The following ATP1A2 variants were observed in gnomAD, a reference collection of about 807,000 sequenced individuals.
The protein encoded by ATP1A2 is ATPase Na+/K+ transporting subunit alpha 2.
ATP1A2 carries 56 observed loss-of-function variants against 113.1 expected under a neutral mutation model. The observed-to-expected ratio is 0.49, with a 90% CI of 0.40 to 0.62. The LOEUF (loss-of-function observed/expected upper bound fraction) is 0.62, where lower values mean the gene tolerates loss of function less well. ATP1A2 is among the 20% of genes least tolerant of loss of function. The pLI, the probability that ATP1A2 is intolerant of heterozygous loss-of-function variation, is 0.00. For synonymous variants in ATP1A2, 490 were observed against 526.8 expected (o/e 0.93, Z 0.96); for missense variants, 712 against 1,357.8 (o/e 0.52, Z 7.47).
intron 1 of ATP1A2, among the ~76,000 whole-genome samples, chr1:160,116,543 C>CA (rs1308811385): frequency 9.6e-4 from 4 of 4,154 alleles, no homozygotes; most frequent in Non-Finnish European, 2.5e-3. Context: ...GACAGGTGAC[C>CA]CCCCCCCCAG....
intron 4 of ATP1A2, 52 bp downstream of exon 4, chr1:160,123,468 G>C: frequency 6.2e-7 from 1 of 1,610,984 alleles, no homozygotes; most frequent in East Asian, 2.2e-5. Context: ...CTCCAACCCT[G>C]AACCCCCAAC....
At chr1:160,116,545 C>A (rs1291010871) in intron 1 of ATP1A2, among the ~76,000 whole-genome samples, 1 of 151,994 alleles carries the variant, frequency 6.6e-6, no homozygotes, top group East Asian at 1.9e-4. Flanking sequence ...CAGGTGACCC[C>A]CCCCCCAGTC....
intron 4 of ATP1A2, among the ~76,000 whole-genome samples, chr1:160,123,636 A>G (rs1233165562): frequency 6.6e-6 from 1 of 152,114 alleles, no homozygotes; most frequent in Non-Finnish European, 1.5e-5. Flanking sequence ...TTAATGAAAC[A>G]ATCTCTCCCT....
intron 1 of ATP1A2, among the ~76,000 whole-genome samples, chr1:160,116,931 G>T (rs1260756283): frequency 6.6e-6 from 1 of 152,090 alleles, no homozygotes; most frequent in Non-Finnish European, 1.5e-5. Context: ...GAATTGGAGT[G>T]CATGCATGTA....
rs765021457 is a variant in ATP1A2 at position 160,128,998 on chromosome 1, G to A, written c.1235G>A (p.Arg412Gln). 3 of 1,606,728 alleles carry A rather than the reference G, an allele frequency of 1.9e-6. No homozygotes were observed. Among genetic ancestry groups the A allele is most frequent in the Non-Finnish European group, 2.6e-6 (3 of 1,176,048 alleles). The part of the protein sequence containing the change: ...EDQSGATFDK[R>Q]SPTWTALSRI... ...CTCCCAGGGGCCACTTTTGACAAAC[G>A]ATCCCCTACGTGGACGGCCCTGTCT... Residue 412 changes from arginine to glutamine, a missense_variant, in exon 10 of 23, where the codon CGA (arginine) becomes CAA (glutamine). Arg to Gln is a conservative substitution (Grantham distance 43, BLOSUM62 1). Coordinates refer to ENST00000361216, the MANE Select transcript of ATP1A2 (RefSeq NM_000702.4).
At chr1:160,121,714 A>G (rs761641659) in intron 3 of ATP1A2, among the ~76,000 whole-genome samples, 2 of 152,264 alleles carry the variant, frequency 1.3e-5, no homozygotes, top group Non-Finnish European at 2.9e-5. Flanking sequence ...TGAGATAGGT[A>G]TTGCAGACCT....
chr1:160,126,009 T>C (rs1651574128), intron 7 of ATP1A2, among the ~76,000 whole-genome samples: 1 of 151,966 alleles, frequency 6.6e-6, no homozygotes, highest in African/African-American at 2.4e-5. Flanking sequence ...CCTCTGAAAA[T>C]AGGGCAAAGG....
intron 4 of ATP1A2, 102 bp downstream of exon 4, chr1:160,123,518 A>T (rs1384595207): frequency 1.4e-6 from 2 of 1,427,660 alleles, no homozygotes; most frequent in Non-Finnish European, 2.0e-6. Context: ...CTCACATAAC[A>T]GTCCTACAGA....
chr1:160,141,170 C>T, intron 22 of ATP1A2, 124 bp from the exon 23 acceptor site: 4 of 1,165,614 alleles, frequency 3.4e-6, no homozygotes, highest in Middle Eastern at 4.8e-4. Context: ...TAAGCCACTT[C>T]CCCCAGTGCC....
In ATP1A2 at chr1:160,129,354, A is replaced by G. The variant is rs529607288; in HGVS notation, c.1415A>G (p.Asn472Ser). ...CGSVRKMRDRNPKVAEIPFNS... is the reference protein window; with the variant it reads ...CGSVRKMRDRSPKVAEIPFNS... ...TCAGTGAGGAAAATGAGAGACAGAA[A>G]CCCCAAGGTGGCAGAGATTCCTTTC... The change falls in exon 11 of 23, where the codon AAC becomes AGC. Residue 472 changes from asparagine (N) to serine (S), a missense_variant. Around this residue, in one of 6 missense-constraint regions of ATP1A2, gnomAD observed 263 missense variants for 380.6 expected, o/e 0.69. Coordinates refer to ENST00000361216, the MANE Select transcript of ATP1A2 (RefSeq NM_000702.4). 5.3e-5 allele frequency: 85 copies of G among 1,614,090 alleles called. No homozygotes were observed. The East Asian group carries it at 1.8e-3, about 35-fold the overall frequency.
intron 13 of ATP1A2, among the ~76,000 whole-genome samples, chr1:160,134,083 ACACATCT>A (rs1407717846): frequency 7.9e-6 from 1 of 126,076 alleles, no homozygotes; most frequent in Non-Finnish European, 1.6e-5. Context: ...CCCCCCACAC[ACACATCT>A]CACACACACG....
chr1:160,122,047 G>C (rs894822903), intron 3 of ATP1A2, among the ~76,000 whole-genome samples: 1 of 152,172 alleles, frequency 6.6e-6, no homozygotes, highest in African/African-American at 2.4e-5. Context: ...CAGGAGAATG[G>C]CTTGAACCCA....
At position 160,127,720 on chromosome 1, in the gene ATP1A2, T is replaced by G; in HGVS notation, c.917T>G (p.Val306Gly). ...GTATTCCTGGGGGTCTCCTTCTTCGTGCTCTCCCTCATCCTGGGCTACAGC... is the reference window on the plus strand; with the variant it reads ...GTATTCCTGGGGGTCTCCTTCTTCGGGCTCTCCCTCATCCTGGGCTACAGC... ...VAVFLGVSFF[V>G]LSLILGYSWL... Residue 306 changes from valine to glycine, a missense_variant, in exon 8 of 23, where the codon GTG becomes GGG. Physicochemically the swap from Val to Gly is moderately radical, Grantham distance 109 (BLOSUM62 -3). This residue lies in a region of ATP1A2 where 44 missense variants were observed against 153.1 expected (regional missense o/e 0.29). Coordinates refer to ENST00000361216, the MANE Select transcript of ATP1A2 (RefSeq NM_000702.4). 6.2e-7 allele frequency: 1 copy of G among 1,614,250 alleles called. No homozygotes were observed.
chr1:160,124,614 G>A (rs966667408), intron 6 of ATP1A2, among the ~76,000 whole-genome samples, 184 bp downstream of exon 6: 1 of 152,250 alleles, frequency 6.6e-6, no homozygotes, highest in Non-Finnish European at 1.5e-5. Flanking sequence ...GCATCTGTGT[G>A]TTATGAATGC....
In ATP1A2 at chr1:160,139,862, T is replaced by C. The variant is rs200332279; in HGVS notation, c.2943-31T>C. On this transcript the variant is annotated intron_variant, in intron 21 of 22. Coordinates refer to ENST00000361216, the MANE Select transcript of ATP1A2 (RefSeq NM_000702.4). ...TGACAGCCACCAAGCCAACCTCTGA[T>C]GCTGCTGACACTCTCCTCCATTGCT... is the stretch of plus-strand genomic sequence containing the variant. The C allele has an allele frequency of 1.4e-4, 226 of 1,612,808 alleles. 1 individual carries two copies. In the African/African-American group the frequency reaches 2.7e-3, roughly 19 times the overall value.
intron 13 of ATP1A2, among the ~76,000 whole-genome samples, chr1:160,133,488 C>T (rs555899594): frequency 6.6e-6 from 1 of 152,100 alleles, no homozygotes; most frequent in Non-Finnish European, 1.5e-5. Flanking sequence ...TGCCAGCCAC[C>T]CTCCCCATCC....
At chr1:160,126,925 G>C (rs144283380) in intron 7 of ATP1A2, among the ~76,000 whole-genome samples, 1 of 152,104 alleles carries the variant, frequency 6.6e-6, no homozygotes, top group East Asian at 1.9e-4. Flanking sequence ...TTGAGCACCC[G>C]CTATGTTCCA....
intron 20 of ATP1A2, among the ~76,000 whole-genome samples, chr1:160,137,604 G>A (rs551037026): frequency 6.6e-6 from 1 of 152,306 alleles, no homozygotes; most frequent in African/African-American, 2.4e-5. Flanking sequence ...AAGATGGTAA[G>A]GGTTCACCAG....
rs150465651 is a variant in ATP1A2 at position 160,130,141 on chromosome 1, G to A, written c.1501G>A (p.Val501Met). The change falls in exon 12 of 23, where the codon GTG becomes ATG. Residue 501 changes from valine to methionine, a missense_variant. Transcript: ENST00000361216. ...HEREDSPQSH[V>M]LVMKGAPERI... is the part of the protein sequence containing the mutation. ...GCGAGAAGACAGCCCCCAGAGCCAC[G>A]TGCTGGTGATGAAGGGGGCCCCAGA... is the stretch of plus-strand genomic sequence containing the variant. The A allele has an allele frequency of 1.1e-4, 174 of 1,614,232 alleles. 1 individual carries two copies. The South Asian group carries it at 1.5e-3, about 14-fold the overall frequency.
Sources: allele counts gnomAD v4.1 joint callset (sites outside exome capture counted in the v4.1 genomes callset), GRCh38; gene constraint gnomAD v4.1.1; regional missense constraint gnomAD v4.1.1; transcripts MANE v1.5; gene names NCBI Gene and HGNC (gene_info 2026-07-23, HGNC 2026-07-21).